The following CCBE1 variants were observed in gnomAD, a reference collection of about 807,000 sequenced individuals.
CCBE1 encodes the protein collagen and calcium binding EGF domains 1, also known as collagen and calcium-binding EGF domain-containing protein 1.
CCBE1 carries 37 observed loss-of-function variants against 50.0 expected under a neutral mutation model. The ratio of observed to expected loss-of-function variants is 0.74; its 90% confidence interval spans 0.57 to 0.97. CCBE1 has a LOEUF of 0.97. Among genes scored for constraint, CCBE1 ranks in the 50% least tolerant of loss-of-function variants. The pLI, the probability that CCBE1 is intolerant of heterozygous loss-of-function variation, is 0.00. For missense variants in CCBE1, 538 were observed against 523.8 expected (o/e 1.03, Z -0.26); for synonymous variants, 234 against 203.7 (o/e 1.15, Z -1.27).
chr18:59,644,111 G>C (rs1314717855), intron 2 of CCBE1, among the ~76,000 whole-genome samples: 1 of 152,186 alleles, frequency 6.6e-6, no homozygotes, highest in Admixed American at 6.5e-5. Context: ...GGATGAAACT[G>C]TTCCGCCTTA....
chr18:59,458,534 A>C (rs1911311505), intron 5 of CCBE1, among the ~76,000 whole-genome samples: 1 of 152,232 alleles, frequency 6.6e-6, no homozygotes, highest in Non-Finnish European at 1.5e-5. Context: ...CGACTATTTC[A>C]TTTAGATCAT....
At chr18:59,440,483 C>T (rs552546685) in intron 7 of CCBE1, among the ~76,000 whole-genome samples, 37 of 152,102 alleles carry the variant, frequency 2.4e-4, no homozygotes, top group Admixed American at 5.2e-4. Flanking sequence ...CTTTCTGCCC[C>T]GAACCAGTCT....
intron 2 of CCBE1, among the ~76,000 whole-genome samples, chr18:59,519,594 G>A (rs1035430380): frequency 6.6e-6 from 1 of 152,190 alleles, no homozygotes; most frequent in African/African-American, 2.4e-5. Flanking sequence ...TGAATAGATT[G>A]CAGAAATTTT....
chr18:59,583,388 C>T (rs151171408), intron 2 of CCBE1, among the ~76,000 whole-genome samples: 40 of 152,290 alleles, frequency 2.6e-4, no homozygotes, highest in Admixed American at 1.1e-3. Flanking sequence ...CATTTCAATG[C>T]CCACGATTTC....
chr18:59,470,141 A>T (rs555715244), intron 3 of CCBE1, among the ~76,000 whole-genome samples: 1 of 152,194 alleles, frequency 6.6e-6, no homozygotes, highest in African/African-American at 2.4e-5. Context: ...GTAATTTATA[A>T]AGGAAAGAGG....
chr18:59,594,049 A>G (rs1244718916), intron 2 of CCBE1, among the ~76,000 whole-genome samples: 1 of 152,242 alleles, frequency 6.6e-6, no homozygotes, highest in African/African-American at 2.4e-5. Flanking sequence ...AGATGAAGGT[A>G]CAAGTGTTTG....
intron 3 of CCBE1, 86 bp from the exon 4 acceptor site, chr18:59,469,693 G>A: frequency 6.3e-7 from 1 of 1,577,080 alleles, no homozygotes; most frequent in Non-Finnish European, 8.7e-7. Flanking sequence ...TTCTGGGCTG[G>A]GCTCTGCTCA....
intron 2 of CCBE1, among the ~76,000 whole-genome samples, chr18:59,640,502 A>T (rs180951054): frequency 7.7e-4 from 118 of 152,312 alleles, no homozygotes; most frequent in African/African-American, 2.7e-3. Flanking sequence ...AAAGACTTAA[A>T]CATAATGCCC....
chr18:59,622,351 C>A (rs2053721982), intron 2 of CCBE1, among the ~76,000 whole-genome samples: 1 of 152,096 alleles, frequency 6.6e-6, no homozygotes, highest in Non-Finnish European at 1.5e-5. Flanking sequence ...CAAAAGTTAG[C>A]TGGGTGTGGT....
rs1568157116 is a variant in CCBE1 at position 59,469,616 on chromosome 18, GC to G, written c.266-10del. ...GGCACAAACGTCGTAATCTGAAAAA[GC>G]AAAGTGAGAGCTCACATCAACTACA... On this transcript the variant is annotated splice_polypyrimidine_tract_variant and intron_variant, in intron 3 of 10. Coordinates refer to ENST00000439986, the MANE Select transcript of CCBE1 (RefSeq NM_133459.4). 1 of 1,614,020 alleles carries G rather than the reference GC, an allele frequency of 6.2e-7. No homozygotes were observed. The highest frequency in any genetic ancestry group is 8.5e-7 in the Non-Finnish European group (1 of 1,180,024).
chr18:59,620,516 T>C (rs1323608943), intron 2 of CCBE1, among the ~76,000 whole-genome samples: 1 of 152,226 alleles, frequency 6.6e-6, no homozygotes, highest in Non-Finnish European at 1.5e-5. Context: ...CAGGTGCTAA[T>C]ATGGTTTGGT....
At chr18:59,589,206 C>T (rs937234916) in intron 2 of CCBE1, among the ~76,000 whole-genome samples, 1 of 152,126 alleles carries the variant, frequency 6.6e-6, no homozygotes, top group African/African-American at 2.4e-5. Context: ...TCCTAGATTG[C>T]CAATTCACCA....
intron 2 of CCBE1, among the ~76,000 whole-genome samples, chr18:59,663,105 TGC>T (rs202197541): frequency 0.018 from 2,264 of 125,116 alleles, 43 homozygotes; most frequent in African/African-American, 0.077. Context: ...CCAGGCTTGG[TGC>T]TAGGGATAGG....
At chr18:59,494,335 A>G (rs895245952) in intron 2 of CCBE1, among the ~76,000 whole-genome samples, 5 of 152,154 alleles carry the variant, frequency 3.3e-5, no homozygotes, top group Admixed American at 6.5e-5. Context: ...TCTGGGGAAT[A>G]ATTTTCTCCA....
At chr18:59,440,366 T>C (rs1910365228) in intron 7 of CCBE1, among the ~76,000 whole-genome samples, 1 of 152,234 alleles carries the variant, frequency 6.6e-6, no homozygotes, top group South Asian at 2.1e-4. Flanking sequence ...TTACATGAGA[T>C]TTCAGATATA....
At chr18:59,459,531 G>A (rs1344592960) in intron 5 of CCBE1, among the ~76,000 whole-genome samples, 1 of 152,132 alleles carries the variant, frequency 6.6e-6, no homozygotes, top group Non-Finnish European at 1.5e-5. Context: ...GATTTTAAAG[G>A]TGCAATATTA....
chr18:59,583,345 G>A (rs1020450708), intron 2 of CCBE1, among the ~76,000 whole-genome samples: 2 of 152,278 alleles, frequency 1.3e-5, no homozygotes, highest in Middle Eastern at 3.4e-3. Flanking sequence ...TCTCATGGAT[G>A]AAAAGGAACT....
chr18:59,569,647 A>AG (rs1217451435), intron 2 of CCBE1, among the ~76,000 whole-genome samples: 38 of 152,066 alleles, frequency 2.5e-4, no homozygotes, highest in Admixed American at 7.2e-4. Context: ...AAAAAAAAAA[A>AG]AGAGACAGGG....
At chr18:59,638,013 C>T (rs2053936191) in intron 2 of CCBE1, among the ~76,000 whole-genome samples, 1 of 151,994 alleles carries the variant, frequency 6.6e-6, no homozygotes, top group African/African-American at 2.4e-5. Flanking sequence ...GATAACAAAA[C>T]CAAAGACACC....
Sources: gnomAD v4.1 joint callset for allele counts (sites outside exome capture counted in the v4.1 genomes callset) on GRCh38, gnomAD v4.1.1 for gene constraint, MANE v1.5 for transcripts, NCBI Gene and HGNC (gene_info 2026-07-23, HGNC 2026-07-21) for gene names.